CELF2: variants seen among roughly 807,000 people sequenced by gnomAD.
The protein encoded by CELF2 is CUGBP Elav-like family member 2.
CELF2 carries 8 observed loss-of-function variants against 62.6 expected under a neutral mutation model. The observed-to-expected ratio is 0.13, with a 90% CI of 0.07 to 0.23. CELF2 has a LOEUF of 0.23. CELF2 is among the 10% of genes least tolerant of loss of function. CELF2 has a pLI of 1.00. For synonymous variants in CELF2, 258 were observed against 250.0 expected (o/e 1.03, Z -0.30); for missense variants, 333 against 671.0 (o/e 0.50, Z 5.56).
the CELF2 span, among the ~76,000 whole-genome samples, chr10:10,611,372 T>C: frequency 3.9e-5 from 6 of 152,196 alleles, no homozygotes; most frequent in African/African-American, 9.7e-5. Context: ...TTCATCCTTA[T>C]ATTTGACTTT....
At chr10:10,648,457 A>C in the CELF2 span, among the ~76,000 whole-genome samples, 1 of 152,224 alleles carries the variant, frequency 6.6e-6, no homozygotes, top group Non-Finnish European at 1.5e-5. Context: ...ATGCATACTT[A>C]TCGCTCACTA....
rs763993627 is a variant in CELF2, at chr10:11,329,060, C to A, written c.*7C>A. 1.2e-6 allele frequency: 2 copies of A among 1,607,842 alleles called. No homozygotes were observed. The highest frequency in any genetic ancestry group is 2.2e-5 in the South Asian group (2 of 90,752). On this transcript the variant is annotated 3_prime_UTR_variant, in exon 13 of 13. Transcript: ENST00000633077. This position sits in a 1 kb window ranked among gnomAD's most constrained non-coding sequence, Gnocchi z 5.5. Reference sequence around the variant, plus strand: ...CGACAGCAAACCTTACTGATCCTAACCCCAGAGGCTCCCTGCTCTCATTTT... The same window carrying A: ...CGACAGCAAACCTTACTGATCCTAAACCCAGAGGCTCCCTGCTCTCATTTT...
intron 9 of CELF2, among the ~76,000 whole-genome samples, chr10:11,304,507 G>A (rs571535102): frequency 6.6e-6 from 1 of 152,358 alleles, no homozygotes; most frequent in East Asian, 1.9e-4. Context: ...CATCTGGTGA[G>A]GGCCTTCTTG....
At chr10:10,648,101 G>A in the CELF2 span, among the ~76,000 whole-genome samples, 41,251 of 151,866 alleles carry the variant, frequency 0.27, 5,788 homozygotes, top group South Asian at 0.46. Context: ...GAAAGTATAC[G>A]ATTTTATCCA....
intron 2 of CELF2, among the ~76,000 whole-genome samples, chr10:11,182,017 AT>A (rs1200922508): frequency 1.3e-5 from 2 of 152,248 alleles, no homozygotes; most frequent in Non-Finnish European, 2.9e-5. Context: ...TAAGAGAATC[AT>A]TTTAGGGTGT....
At chr10:10,871,763 A>G (rs1317976722) in intron 1 of CELF2, among the ~76,000 whole-genome samples, 9 of 152,164 alleles carry the variant, frequency 5.9e-5, no homozygotes, top group Admixed American at 6.5e-5. Flanking sequence ...GCGAGGAGAG[A>G]AATGGGCTTT....
intron 1 of CELF2, among the ~76,000 whole-genome samples, chr10:10,829,969 C>T (rs1432306916): frequency 6.6e-6 from 1 of 151,780 alleles, no homozygotes; most frequent in South Asian, 2.1e-4. Context: ...AACCTGTAAC[C>T]CCCCTGGCCA....
chr10:10,510,965 G>T, the CELF2 span, among the ~76,000 whole-genome samples: 1 of 152,220 alleles, frequency 6.6e-6, no homozygotes, highest in Non-Finnish European at 1.5e-5. Context: ...AAAGGATAAA[G>T]GAGTAAGGTG....
the CELF2 span, among the ~76,000 whole-genome samples, chr10:10,694,395 G>C: frequency 1.3e-5 from 2 of 151,126 alleles, no homozygotes; most frequent in African/African-American, 4.9e-5. Flanking sequence ...TATAATTTCT[G>C]TTCTTTTACA....
intron 1 of CELF2, among the ~76,000 whole-genome samples, chr10:10,813,462 G>A (rs2056136334): frequency 6.6e-6 from 1 of 152,220 alleles, no homozygotes; most frequent in African/African-American, 2.4e-5. Context: ...ATATTTCCTG[G>A]TGGGTAAAGT....
chr10:10,489,213 C>G, the CELF2 span, among the ~76,000 whole-genome samples: 1,949 of 152,150 alleles, frequency 0.013, 41 homozygotes, highest in African/African-American at 0.045. Flanking sequence ...ATAATAATGA[C>G]TCAACCTAAC....
chr10:11,091,969 T>C (rs1368588929), intron 1 of CELF2, among the ~76,000 whole-genome samples: 1 of 152,220 alleles, frequency 6.6e-6, no homozygotes, highest in Admixed American at 6.5e-5. Flanking sequence ...TTCTCAGTTA[T>C]ATATAATACT....
intron 1 of CELF2, among the ~76,000 whole-genome samples, chr10:10,802,047 A>G (rs769233826): frequency 6.6e-6 from 1 of 152,224 alleles, no homozygotes; most frequent in East Asian, 1.9e-4. Context: ...ATAATTTTCA[A>G]CATTCTCCCA....
At chr10:10,741,471 C>A in the CELF2 span, among the ~76,000 whole-genome samples, 1 of 123,534 alleles carries the variant, frequency 8.1e-6, no homozygotes, top group Non-Finnish European at 1.6e-5. Flanking sequence ...TCCAGCCTGG[C>A]GACAGAGAGA....
chr10:10,523,641 C>G, the CELF2 span, among the ~76,000 whole-genome samples: 2 of 152,038 alleles, frequency 1.3e-5, no homozygotes, highest in Non-Finnish European at 2.9e-5. Flanking sequence ...CATCATGAAT[C>G]CTTTCAAATT....
chr10:10,513,955 G>A, the CELF2 span, among the ~76,000 whole-genome samples: 1 of 152,096 alleles, frequency 6.6e-6, no homozygotes, highest in Non-Finnish European at 1.5e-5. Context: ...CCCTCTCTGA[G>A]CAAAGCCTAG....
At position 11,269,674 on chromosome 10, in the gene CELF2, AG is replaced by A. The variant is rs1461306332; in HGVS notation, c.619-987del. ...AAGGAGGAGAAGAGGCTGGGGAAGG[AG>A]GGGGAGACTTCTGCTGAGTTACTTA... On this transcript the variant is annotated intron_variant, in intron 6 of 12. Coordinates refer to ENST00000633077, the MANE Select transcript of CELF2 (RefSeq NM_001326342.2). This position sits in a 1 kb window ranked among gnomAD's most constrained non-coding sequence, Gnocchi z 4.4. 5.4e-5 allele frequency among the ~76,000 whole-genome samples: 8 copies of A among 147,178 alleles called. No homozygotes were observed. Among genetic ancestry groups the A allele is most frequent in the African/African-American group, 9.8e-5 (4 of 40,656 alleles).
the CELF2 span, among the ~76,000 whole-genome samples, chr10:10,569,531 C>G: frequency 6.6e-6 from 1 of 152,074 alleles, no homozygotes; most frequent in Admixed American, 6.6e-5. Context: ...ACAGCCAAAC[C>G]CTATCAGTAA....
In CELF2 at chr10:11,017,887, A is replaced by ACCTGGCGCTCGGCAGCCGGCCGC. The variant is rs1332291606; in HGVS notation, c.-200_-178dup. ...CGCGAGCTCCGCCCCCGCCCGCCGC[A>ACCTGGCGCTCGGCAGCCGGCCGC]CCTGGCGCTCGGCAGCCGGCCGCCC... On this transcript the variant is annotated 5_prime_UTR_variant, in exon 1 of 13. Coordinates refer to ENST00000633077, the MANE Select transcript of CELF2 (RefSeq NM_001326342.2). The surrounding 1 kb of genome is among the most constrained non-coding windows in gnomAD (Gnocchi z 5.5). 3.2e-6 allele frequency: 3 copies of ACCTGGCGCTCGGCAGCCGGCCGC among 935,572 alleles called. No homozygotes were observed. Among genetic ancestry groups the ACCTGGCGCTCGGCAGCCGGCCGC allele is most frequent in the African/African-American group, 3.6e-5 (2 of 55,760 alleles). 58.0% of individuals were successfully genotyped at this position (935,572 alleles called of 1,614,324 possible).
Sources: gnomAD v4.1 joint callset for allele counts (sites outside exome capture counted in the v4.1 genomes callset) on GRCh38, gnomAD v4.1.1 for gene constraint, Gnocchi (gnomAD v3.1) non-coding constraint, MANE v1.5 for transcripts, NCBI Gene and HGNC (gene_info 2026-07-23, HGNC 2026-07-21) for gene names.